Variants in OPA1 observed in about 807,000 individuals in gnomAD.
OPA1 encodes OPA1 mitochondrial dynamin like GTPase, also known as dynamin-like GTPase OPA1, mitochondrial.
A neutral mutation model predicts 152.9 loss-of-function variants in OPA1; 59 were observed. The ratio of observed to expected loss-of-function variants is 0.39; its 90% CI spans 0.31 to 0.48. The LOEUF (loss-of-function observed/expected upper bound fraction) is 0.48, where lower values mean the gene tolerates loss of function less well. Ranked by LOEUF, OPA1 falls within the 20% of genes least tolerant of loss-of-function variation. The pLI is 0.96. For missense variants in OPA1, 1,008 were observed against 1,216.8 expected (o/e 0.83, Z 2.55); for synonymous variants, 400 against 389.9 (o/e 1.03, Z -0.31).
intron 29 of OPA1, among the ~76,000 whole-genome samples, chr3:193,679,492 A>G (rs1719782358): frequency 6.6e-6 from 1 of 152,150 alleles, no homozygotes; most frequent in Non-Finnish European, 1.5e-5. Flanking sequence ...CATTATGCCC[A>G]TTGTTCAGAT....
At chr3:193,639,280 G>C (rs1447934433) in intron 11 of OPA1, among the ~76,000 whole-genome samples, 7 of 152,200 alleles carry the variant, frequency 4.6e-5, no homozygotes, top group Admixed American at 4.6e-4. Flanking sequence ...GAGGGAGACA[G>C]ATAATAGATA....
chr3:193,664,036 G>A (rs911179042), intron 26 of OPA1, among the ~76,000 whole-genome samples: 8 of 151,878 alleles, frequency 5.3e-5, no homozygotes, highest in African/African-American at 1.9e-4. Context: ...GAGATGTTAC[G>A]TGATTTTTTT....
chr3:193,692,206 C>G (rs972703541), intron 30 of OPA1, 74 bp downstream of exon 30: 2 of 814,566 alleles, frequency 2.5e-6, no homozygotes, highest in African/African-American at 1.7e-5. Context: ...GTTTATCATT[C>G]TGCTTCATTT....
chr3:193,652,795 C>T (rs913075244), intron 21 of OPA1, among the ~76,000 whole-genome samples: 3 of 151,940 alleles, frequency 2.0e-5, no homozygotes, highest in East Asian at 1.9e-4. Context: ...AGCAGCTTGG[C>T]GATGAAAGGC....
rs374802205 is a variant in OPA1, at chr3:193,642,247, A to G, written c.1150-518A>G. Among the ~76,000 whole-genome samples, 56 of 152,226 alleles carry G rather than the reference A, an allele frequency of 3.7e-4. No individual in the cohort carries two copies. The South Asian group carries it at 0.011, about 31-fold the overall frequency. On this transcript the variant is annotated intron_variant, in intron 11 of 30. Transcript: ENST00000361510. ...ACCCTAGGTTTTGTCACTCTCTTCT[A>G]TTATGTCTGTGTATATTTCTCCCAG...
At chr3:193,686,077 T>TGGA (rs1156405573) in intron 29 of OPA1, among the ~76,000 whole-genome samples, 1 of 152,228 alleles carries the variant, frequency 6.6e-6, no homozygotes, top group East Asian at 1.9e-4. Flanking sequence ...TTTCTTTCAT[T>TGGA]ATTAATCCCA....
At chr3:193,631,203 G>A (rs1378355386) in intron 7 of OPA1, among the ~76,000 whole-genome samples, 2 of 152,192 alleles carry the variant, frequency 1.3e-5, no homozygotes, top group African/African-American at 2.4e-5. Flanking sequence ...TCAGTAACAT[G>A]TATTTGACTT....
chr3:193,692,096 C>T lies in OPA1; in HGVS notation c.3017C>T (p.Ala1006Val). The T allele has an allele frequency of 1.3e-6, 2 of 1,552,158 alleles. No homozygotes were observed. The highest frequency in any genetic ancestry group is 1.8e-6 in the Non-Finnish European group (2 of 1,134,490). ...KVREIQEKLD[A>V]FIEALHQEK ...AGAGAAATTCAAGAAAAACTTGATG[C>T]TTTCATTGAAGCTCTTCATCAGGAG... The change falls in exon 30 of 31, where the codon GCT (alanine) becomes GTT (valine). Residue 1006 changes from alanine to valine, a missense_variant. By Grantham distance (64) the Ala-to-Val change is moderately conservative. This residue lies in a region of OPA1 where 137 missense variants were observed against 171.0 expected (regional missense o/e 0.80). Coordinates refer to ENST00000361510, the MANE Select transcript of OPA1 (RefSeq NM_130837.3).
At chr3:193,613,566 T>A (rs1364429892) in intron 1 of OPA1, among the ~76,000 whole-genome samples, 1 of 152,060 alleles carries the variant, frequency 6.6e-6, no homozygotes, top group African/African-American at 2.4e-5. Flanking sequence ...TTCTTTGTTT[T>A]TTTTTTGTTT....
intron 7 of OPA1, among the ~76,000 whole-genome samples, chr3:193,631,289 C>A (rs996104772): frequency 6.6e-6 from 1 of 152,162 alleles, no homozygotes; most frequent in Non-Finnish European, 1.5e-5. Flanking sequence ...TAGTACAAAA[C>A]AACTTCTGAA....
At chr3:193,617,115 T>C in intron 3 of OPA1, 63 bp from the exon 4 acceptor site, 2 of 1,008,754 alleles carry the variant, frequency 2.0e-6, no homozygotes, top group African/African-American at 1.6e-5. Flanking sequence ...TTTAGCCCTT[T>C]ATAAGAATAG....
rs1328311160 is a variant in OPA1, at chr3:193,694,703, C to T, written c.*103C>T. On this transcript the variant is annotated 3_prime_UTR_variant, in exon 31 of 31. Transcript: ENST00000361510. ...TCTTCTGCTGTTCCACCTTTCTAAA[C>T]ATACAATAAAGTCATGGGATAAAAA... 5.9e-5 allele frequency: 9 copies of T among 152,222 alleles called. No homozygotes were observed. In the East Asian group the frequency reaches 1.5e-3, roughly 26 times the overall value. The allele number at this position is 152,222 out of a possible 1,614,324, so 9.4% of individuals were successfully genotyped here. A position where few individuals can be genotyped will look rare whatever the true frequency, so the allele number is the denominator to read the frequency against.
At chr3:193,601,852 C>A (rs1726516991) in intron 1 of OPA1, among the ~76,000 whole-genome samples, 1 of 152,126 alleles carries the variant, frequency 6.6e-6, no homozygotes, top group Non-Finnish European at 1.5e-5. Flanking sequence ...TTCCATTCTT[C>A]CCTTGGGGTT....
chr3:193,657,000 C>T (rs1714004863), intron 22 of OPA1, 80 bp from the exon 23 acceptor site: 2 of 1,257,042 alleles, frequency 1.6e-6, no homozygotes, highest in Non-Finnish European at 2.2e-6. Flanking sequence ...ATCTGTTTGG[C>T]TTGAGCTCGT....
chr3:193,648,119 G>T lies in OPA1; in HGVS notation c.1920G>T (p.Leu640=), dbSNP rs757447703. Residue 640 remains leucine (L), a synonymous_variant, in exon 20 of 31, where the codon CTG becomes CTT. Coordinates refer to ENST00000361510, the MANE Select transcript of OPA1 (RefSeq NM_130837.3). ...AATGGAAGAATAACTATCCTCGCCT[G>T]CGGGAACTTGACCGGGTAATATTTG... The part of the protein sequence containing the change: ...ETEWKNNYPR[L]RELDRNELFE... 9 of 1,612,106 alleles carry T rather than the reference G, an allele frequency of 5.6e-6. No homozygotes were observed. The highest frequency in any genetic ancestry group is 7.6e-6 in the Non-Finnish European group (9 of 1,178,204).
rs1349302724 is a variant in OPA1, at chr3:193,593,219, GA to G, written c.-157del. The G allele has an allele frequency of 8.3e-6, 5 of 602,338 alleles. No homozygotes were observed. The East Asian group carries it at 1.6e-4, about 19-fold the overall frequency. The allele number at this position is 602,338 out of a possible 1,614,324, so 37.3% of individuals were successfully genotyped here. A position where few individuals can be genotyped will look rare whatever the true frequency, so the allele number is the denominator to read the frequency against. ...TACGGGTGCCTGTCAGGCTCTTGCG[GA>G]AGTCCATGCGCCATTGGGAGGGCCT... On this transcript the variant is annotated 5_prime_UTR_variant, in exon 1 of 31. Transcript: ENST00000361510.
chr3:193,598,048 T>C (rs1219963744), intron 1 of OPA1, among the ~76,000 whole-genome samples: 2 of 152,122 alleles, frequency 1.3e-5, no homozygotes, highest in Non-Finnish European at 2.9e-5. Context: ...GCCATTGCAC[T>C]CCACGTTGGG....
intron 29 of OPA1, among the ~76,000 whole-genome samples, chr3:193,691,072 T>C (rs552103883): frequency 6.6e-5 from 10 of 152,032 alleles, no homozygotes; most frequent in Non-Finnish European, 2.9e-5. Flanking sequence ...AAATAAAAAC[T>C]TAGCCAGGCG....
intron 1 of OPA1, among the ~76,000 whole-genome samples, chr3:193,595,775 T>C (rs1312010912): frequency 6.6e-6 from 1 of 152,180 alleles, no homozygotes. Flanking sequence ...CGTTTTTCTC[T>C]CTTATTTTTT....
Sources: allele counts gnomAD v4.1 joint callset (sites outside exome capture counted in the v4.1 genomes callset), GRCh38; gene constraint gnomAD v4.1.1; regional missense constraint gnomAD v4.1.1; transcripts MANE v1.5; gene names NCBI Gene and HGNC (gene_info 2026-07-23, HGNC 2026-07-21).